The following NBAS variants were observed in gnomAD, a reference collection of about 807,000 sequenced individuals.
NBAS encodes NBAS subunit of NRZ tethering complex.
NBAS carries 219 observed loss-of-function variants against 302.5 expected under a neutral mutation model. The observed-to-expected ratio is 0.72, with a 90% CI of 0.65 to 0.81. NBAS has a LOEUF of 0.81. Among genes scored for constraint, NBAS ranks in the 30% least tolerant of loss-of-function variants. The pLI is 0.00. For synonymous variants in NBAS, 1,118 were observed against 1,021.6 expected (o/e 1.09, Z -1.80); for missense variants, 2,932 against 2,841.6 (o/e 1.03, Z -0.72).
chr2:14,927,213 A>C, the NBAS span, among the ~76,000 whole-genome samples: 1 of 152,202 alleles, frequency 6.6e-6, no homozygotes, highest in East Asian at 1.9e-4. Context: ...GGACTCGCCA[A>C]GCCTCCACAA....
chr2:15,291,464 T>C (rs182952586), intron 41 of NBAS, among the ~76,000 whole-genome samples: 171 of 152,360 alleles, frequency 1.1e-3, no homozygotes, highest in Non-Finnish European at 2.0e-3. Context: ...TTAATAACTG[T>C]TGTGGGTGAA....
At chr2:15,203,410 T>C (rs1665974383) in intron 48 of NBAS, among the ~76,000 whole-genome samples, 1 of 152,204 alleles carries the variant, frequency 6.6e-6, no homozygotes, top group African/African-American at 2.4e-5. Context: ...CCTCAAAACA[T>C]GGAGCATGTA....
intron 21 of NBAS, among the ~76,000 whole-genome samples, chr2:15,450,450 T>C (rs1678952137): frequency 6.6e-6 from 1 of 152,170 alleles, no homozygotes; most frequent in South Asian, 2.1e-4. Context: ...ATTCACCTCC[T>C]TTGCAACAGA....
At chr2:14,826,432 T>C in the NBAS span, among the ~76,000 whole-genome samples, 2 of 152,184 alleles carry the variant, frequency 1.3e-5, no homozygotes, top group African/African-American at 4.8e-5. Context: ...ATGTGGTATG[T>C]GTGTGATGCT....
the NBAS span, among the ~76,000 whole-genome samples, chr2:14,791,803 C>CATAAATAAATAAATAAATAA: frequency 7.2e-6 from 1 of 139,250 alleles, no homozygotes; most frequent in African/African-American, 2.8e-5. Context: ...GACTCCATCT[C>CATAAATAAATAAATAAATAA]ATAAATAAAT....
chr2:14,829,108 C>G, the NBAS span, among the ~76,000 whole-genome samples: 17 of 150,644 alleles, frequency 1.1e-4, no homozygotes, highest in African/African-American at 4.2e-4. Context: ...TATTAGAAGT[C>G]TGACAGGATG....
the NBAS span, among the ~76,000 whole-genome samples, chr2:14,929,534 C>A: frequency 1.6e-4 from 24 of 152,110 alleles, no homozygotes; most frequent in Non-Finnish European, 2.8e-4. Flanking sequence ...TGCGCCACCA[C>A]ACCCAGCCAA....
chr2:15,488,924 C>T lies in NBAS; in HGVS notation c.1053G>A (p.Lys351=), dbSNP rs1271415756. The T allele has an allele frequency of 6.2e-7, 1 of 1,613,736 alleles. No individual in the cohort carries two copies. The highest frequency in any genetic ancestry group is 8.5e-7 in the Non-Finnish European group (1 of 1,179,828). ...CATTTTGACCCCATTCCCCTTGTTGCTTCAGAGATGGAATCGCCCAGATGC... is the reference window on the plus strand; with the variant it reads ...CATTTTGACCCCATTCCCCTTGTTGTTTCAGAGATGGAATCGCCCAGATGC... ...KLSIWAIPSL[K]QQGEWGQNEQ... The change falls in exon 12 of 52, where the codon AAG becomes AAA. Residue 351 remains lysine (K), a synonymous_variant. Transcript: ENST00000281513.
the NBAS span, among the ~76,000 whole-genome samples, chr2:14,837,917 T>C: frequency 1.3e-5 from 2 of 151,880 alleles, no homozygotes; most frequent in Non-Finnish European, 2.9e-5. Context: ...GGAAAATCAT[T>C]TGCTTTTAAT....
At chr2:15,530,056 A>G (rs1663148065) in intron 9 of NBAS, among the ~76,000 whole-genome samples, 3 of 152,184 alleles carry the variant, frequency 2.0e-5, no homozygotes, top group Non-Finnish European at 4.4e-5. Flanking sequence ...ACTGTAGTTA[A>G]TATTTTTAAA....
the NBAS span, among the ~76,000 whole-genome samples, chr2:15,103,957 G>A: frequency 6.6e-6 from 1 of 152,020 alleles, no homozygotes; most frequent in Non-Finnish European, 1.5e-5. Context: ...TCTTCCACTG[G>A]ATACTTGTGA....
Position 15,445,961 on chromosome 2 carries a change from A to T in NBAS, c.2339+15240T>A, listed in dbSNP as rs1678716394. 2.0e-5 allele frequency among the ~76,000 whole-genome samples: 3 copies of T among 152,022 alleles called. 1 individual carries two copies. In the South Asian group the frequency reaches 6.2e-4, roughly 31 times the overall value. The stretch of plus-strand genomic sequence containing the variant: ...AATTATAGACAAGTCAGAAGAAAAG[A>T]ATAGCAAATTTAAGGACACAGTAAT... On this transcript the variant is annotated intron_variant, in intron 21 of 51. Transcript: ENST00000281513.
chr2:15,064,724 G>T, the NBAS span, among the ~76,000 whole-genome samples: 1 of 152,096 alleles, frequency 6.6e-6, no homozygotes, highest in Admixed American at 6.6e-5. Context: ...ATTTTATGAG[G>T]TCAGCATTAC....
chr2:15,363,727 A>G (rs1674053413), intron 32 of NBAS, among the ~76,000 whole-genome samples: 1 of 152,214 alleles, frequency 6.6e-6, no homozygotes, highest in Non-Finnish European at 1.5e-5. Flanking sequence ...AACTTTTTAT[A>G]AAGATGTGCC....
intron 44 of NBAS, among the ~76,000 whole-genome samples, chr2:15,250,774 G>A (rs541067953): frequency 2.0e-4 from 31 of 152,194 alleles, no homozygotes; most frequent in Admixed American, 1.8e-3. Context: ...GTCTCATGCC[G>A]GTTAGAATGG....
At chr2:14,820,960 T>C in the NBAS span, among the ~76,000 whole-genome samples, 2 of 151,864 alleles carry the variant, frequency 1.3e-5, no homozygotes, top group Non-Finnish European at 2.9e-5. Flanking sequence ...GACGGAGTCT[T>C]GCTCTGTCGC....
chr2:15,500,502 T>TCACACACACACA (rs72095633), intron 11 of NBAS, among the ~76,000 whole-genome samples: 29 of 136,228 alleles, frequency 2.1e-4, no homozygotes, highest in African/African-American at 6.2e-4. Context: ...TTTAGAAGTC[T>TCACACACACACA]CACACACACA....
chr2:15,002,157 T>G, the NBAS span, among the ~76,000 whole-genome samples: 3 of 151,406 alleles, frequency 2.0e-5, 1 homozygote, highest in African/African-American at 7.3e-5. Context: ...CTAGATACAG[T>G]GTTGATTGGT....
At chr2:15,560,111 A>G (rs944849769) in intron 1 of NBAS, among the ~76,000 whole-genome samples, 8 of 152,222 alleles carry the variant, frequency 5.3e-5, no homozygotes, top group Non-Finnish European at 1.0e-4. Flanking sequence ...AAAATGTAAG[A>G]TAACTCACAT....
Sources: gnomAD v4.1 joint callset for allele counts (sites outside exome capture counted in the v4.1 genomes callset) on GRCh38, gnomAD v4.1.1 for gene constraint, MANE v1.5 for transcripts, NCBI Gene and HGNC (gene_info 2026-07-23, HGNC 2026-07-21) for gene names.